Variants in NRG2 observed in about 807,000 individuals in gnomAD.
NRG2 encodes pro-neuregulin-2, membrane-bound isoform.
A neutral mutation model predicts 73.9 loss-of-function variants in NRG2; 27 were observed. The ratio of observed to expected loss-of-function variants is 0.37; its 90% CI spans 0.27 to 0.50. NRG2 has a LOEUF of 0.50. Among genes scored for constraint, NRG2 ranks in the 20% least tolerant of loss-of-function variants. The pLI is 0.96. For synonymous variants in NRG2, 532 were observed against 541.0 expected (o/e 0.98, Z 0.23); for missense variants, 1,126 against 1,210.1 (o/e 0.93, Z 1.03).
chr5:139,935,270 A>G (rs1171746186), intron 1 of NRG2, among the ~76,000 whole-genome samples: 1 of 152,230 alleles, frequency 6.6e-6, no homozygotes. Flanking sequence ...CAAACTCACT[A>G]CTATAACGAG....
intron 1 of NRG2, among the ~76,000 whole-genome samples, chr5:139,901,459 C>A (rs1373411070): frequency 6.6e-6 from 1 of 152,106 alleles, no homozygotes; most frequent in African/African-American, 2.4e-5. Context: ...AGAAGCAACC[C>A]CCAGATGTGG....
chr5:140,033,751 T>C (rs1039991583), intron 1 of NRG2, among the ~76,000 whole-genome samples: 2 of 152,246 alleles, frequency 1.3e-5, no homozygotes, highest in African/African-American at 4.8e-5. Context: ...TGGAACTTAA[T>C]ATTTTCATTT....
rs756489667 is a variant in NRG2, at chr5:140,042,508, G to C, written c.562C>G (p.Leu188Val). ...AAGATGTAGCGCTGGTTCCTTTCGA[G>C]CGGCACACAGGAGCCCACGCTGATC... Reference protein sequence around the residue: ...QVISVGSCVPLERNQRYIFFL... With the variant: ...QVISVGSCVPVERNQRYIFFL... The change falls in exon 1 of 10, where the codon CTC (leucine) becomes GTC (valine). Residue 188 changes from leucine to valine, a missense_variant. Transcript: ENST00000361474. 5 of 1,613,566 alleles carry C rather than the reference G, an allele frequency of 3.1e-6. No homozygotes were observed. Among genetic ancestry groups the C allele is most frequent in the Non-Finnish European group, 3.4e-6 (4 of 1,179,938 alleles).
At chr5:139,946,128 A>C (rs896935002) in intron 1 of NRG2, among the ~76,000 whole-genome samples, 1 of 152,112 alleles carries the variant, frequency 6.6e-6, no homozygotes, top group Non-Finnish European at 1.5e-5. Flanking sequence ...TTAAAATTCA[A>C]GCTGACAAGG....
chr5:139,874,230 G>A (rs992051626), intron 3 of NRG2, among the ~76,000 whole-genome samples: 2 of 152,198 alleles, frequency 1.3e-5, no homozygotes, highest in African/African-American at 4.8e-5. Context: ...CCCTGTCAGC[G>A]TATCCATATC....
intron 1 of NRG2, among the ~76,000 whole-genome samples, chr5:140,034,293 G>C (rs1420347537): frequency 6.6e-6 from 1 of 151,742 alleles, no homozygotes; most frequent in East Asian, 1.9e-4. Context: ...GGTCCATCCA[G>C]AGCTCAAGCT....
intron 3 of NRG2, among the ~76,000 whole-genome samples, chr5:139,880,000 G>C (rs1178290538): frequency 6.6e-6 from 1 of 152,150 alleles, no homozygotes; most frequent in Non-Finnish European, 1.5e-5. Flanking sequence ...GAGGCTGTCT[G>C]GTGGAAATAG....
intron 1 of NRG2, among the ~76,000 whole-genome samples, chr5:140,030,775 A>G (rs939669790): frequency 6.6e-5 from 10 of 152,200 alleles, no homozygotes; most frequent in Admixed American, 6.5e-4. Flanking sequence ...TGGTAATACT[A>G]CTTGGCTCTA....
intron 1 of NRG2, among the ~76,000 whole-genome samples, chr5:139,950,903 A>G (rs1227094617): frequency 6.6e-6 from 1 of 152,212 alleles, no homozygotes; most frequent in Non-Finnish European, 1.5e-5. Context: ...TCCTAGCTGC[A>G]TCGTGACTAC....
rs1250005240 is a variant in NRG2, at chr5:139,915,885, GATGA to G, written c.701-28378_701-28375del. Among the ~76,000 whole-genome samples, 1 of 152,180 alleles carries G rather than the reference GATGA, an allele frequency of 6.6e-6. No individual in the cohort carries two copies. The highest frequency in any genetic ancestry group is 2.4e-5 in the African/African-American group (1 of 41,444). On this transcript the variant is annotated intron_variant, in intron 1 of 9. Transcript: ENST00000361474. The surrounding 1 kb of genome is among the most constrained non-coding windows in gnomAD (Gnocchi z 4.0). Reference sequence around the variant, plus strand: ...AATCCACAAAACAGGTTCAGAGAATGATGAATATTACATTTTGACTGACATGTAG... The same window carrying G: ...AATCCACAAAACAGGTTCAGAGAATGATATTACATTTTGACTGACATGTAG...
rs758570888 is a variant in NRG2, at chr5:139,954,815, G to A, written c.701-67304C>T. Among the ~76,000 whole-genome samples, 10 of 152,172 alleles carry A rather than the reference G, an allele frequency of 6.6e-5. No homozygotes were observed. Among genetic ancestry groups the A allele is most frequent in the Non-Finnish European group, 1.2e-4 (8 of 68,044 alleles). ...GAGAGTAATAATGCCTACATCGTAG[G>A]GTTTTTGTAAGGATAAATTAGAAAA... On this transcript the variant is annotated intron_variant, in intron 1 of 9. Transcript: ENST00000361474. The surrounding 1 kb of genome is among the most constrained non-coding windows in gnomAD (Gnocchi z 5.0).
intron 1 of NRG2, among the ~76,000 whole-genome samples, chr5:139,912,669 T>C (rs1390795478): frequency 6.6e-6 from 1 of 152,176 alleles, no homozygotes; most frequent in Admixed American, 6.5e-5. Context: ...CTGCTGGCTC[T>C]TGGGGTACAC....
chr5:139,866,134 A>C lies in NRG2; in HGVS notation c.1113-509T>G, dbSNP rs559059661. On this transcript the variant is annotated intron_variant, in intron 4 of 9. Transcript: ENST00000361474. Reference sequence around the variant, plus strand: ...CCCAGGAAACTCAGATAACTCGGGAATGCTGTTCCCAGACTGTGTATGTCT... The same window carrying C: ...CCCAGGAAACTCAGATAACTCGGGACTGCTGTTCCCAGACTGTGTATGTCT... 2.6e-5 allele frequency among the ~76,000 whole-genome samples: 4 copies of C among 152,298 alleles called. No individual in the cohort carries two copies. The East Asian group carries it at 7.7e-4, about 29-fold the overall frequency.
rs752438448 is a variant in NRG2 at position 139,847,929 on chromosome 5, C to A, written c.2541G>T (p.Ser847=). 4.0e-6 allele frequency: 6 copies of A among 1,491,888 alleles called. No individual in the cohort carries two copies. The East Asian group carries it at 1.7e-4, about 43-fold the overall frequency. 92.4% of individuals were successfully genotyped at this position (1,491,888 alleles called of 1,614,324 possible). Residue 847 remains serine, a synonymous_variant, in exon 10 of 10, where the codon TCG becomes TCT. Coordinates refer to ENST00000361474, the MANE Select transcript of NRG2 (RefSeq NM_004883.3). ...RGPPPRAKQD[S]APL Reference sequence around the variant, plus strand: ...GCGCGGCGGGGCCCTAGAGTGGCGCCGAGTCCTGCTTGGCCCGCGGGGGCG... The same window carrying A: ...GCGCGGCGGGGCCCTAGAGTGGCGCAGAGTCCTGCTTGGCCCGCGGGGGCG...
chr5:139,913,279 T>C (rs1398711330), intron 1 of NRG2, among the ~76,000 whole-genome samples: 1 of 152,196 alleles, frequency 6.6e-6, no homozygotes, highest in Admixed American at 6.5e-5. Flanking sequence ...ATCCGTTTCT[T>C]ATACCCTGCC....
At chr5:139,981,143 C>A (rs1027538702) in intron 1 of NRG2, among the ~76,000 whole-genome samples, 1 of 152,214 alleles carries the variant, frequency 6.6e-6, no homozygotes, top group Admixed American at 6.5e-5. Context: ...TTGCTGTACA[C>A]GCTCTGAGGT....
chr5:139,949,893 C>A (rs1373822826), intron 1 of NRG2, among the ~76,000 whole-genome samples: 1 of 152,144 alleles, frequency 6.6e-6, no homozygotes, highest in Non-Finnish European at 1.5e-5. Context: ...TGGCAGGGGG[C>A]CTGGTCATGG....
At chr5:139,902,229 C>T (rs1445730079) in intron 1 of NRG2, among the ~76,000 whole-genome samples, 2 of 152,200 alleles carry the variant, frequency 1.3e-5, no homozygotes, top group South Asian at 2.1e-4. Context: ...GACCCAGTTC[C>T]CGGTTAGGGA....
chr5:139,928,795 T>C (rs1232578170), intron 1 of NRG2, among the ~76,000 whole-genome samples: 3 of 152,200 alleles, frequency 2.0e-5, no homozygotes, highest in South Asian at 2.1e-4. Flanking sequence ...GTTACCTGCC[T>C]CAGCTTTTCC....
Sources: allele counts gnomAD v4.1 joint callset (sites outside exome capture counted in the v4.1 genomes callset), GRCh38; gene constraint gnomAD v4.1.1; non-coding constraint Gnocchi (gnomAD v3.1); transcripts MANE v1.5; gene names NCBI Gene and HGNC (gene_info 2026-07-23, HGNC 2026-07-21).